SSH2: variants seen among roughly 807,000 people sequenced by gnomAD.
SSH2 encodes the protein protein phosphatase Slingshot homolog 2.
SSH2 carries 37 observed loss-of-function variants against 135.2 expected under a neutral mutation model. The ratio of observed to expected loss-of-function variants is 0.27; its 90% CI spans 0.21 to 0.36. The LOEUF is 0.36. Among genes scored for constraint, SSH2 ranks in the 10% least tolerant of loss-of-function variants. The pLI is 1.00. For missense variants in SSH2, 1,408 were observed against 1,765.3 expected, an observed-to-expected ratio of 0.80 and a Z score of 3.63; for synonymous variants, 628 against 646.2, an observed-to-expected ratio of 0.97 and a Z score of 0.43.
At chr17:29,743,468 A>T (rs1176907093) in intron 3 of SSH2, among the ~76,000 whole-genome samples, 1 of 152,126 alleles carries the variant, frequency 6.6e-6, no homozygotes, top group Admixed American at 6.5e-5. Context: ...TTTCTGACAA[A>T]TGGGGCATAT....
chr17:29,665,831 T>G (rs1366821128), intron 11 of SSH2, among the ~76,000 whole-genome samples: 4 of 152,164 alleles, frequency 2.6e-5, no homozygotes, highest in African/African-American at 9.7e-5. Context: ...TTACAAAAGG[T>G]CACTAAATGT....
intron 2 of SSH2, among the ~76,000 whole-genome samples, chr17:29,833,590 T>C (rs938679544): frequency 1.3e-5 from 2 of 152,212 alleles, no homozygotes; most frequent in Non-Finnish European, 2.9e-5. Context: ...TCAATGTTAA[T>C]ATTGATAAGT....
At chr17:29,756,708 G>A (rs1414211145) in intron 3 of SSH2, among the ~76,000 whole-genome samples, 1 of 151,964 alleles carries the variant, frequency 6.6e-6, no homozygotes, top group African/African-American at 2.4e-5. Flanking sequence ...AGGCTGGAGT[G>A]CAGTGGTGAG....
At chr17:29,750,601 C>A (rs1328382506) in intron 3 of SSH2, among the ~76,000 whole-genome samples, 3 of 152,034 alleles carry the variant, frequency 2.0e-5, no homozygotes, top group African/African-American at 7.2e-5. Flanking sequence ...TGGCTCACTG[C>A]AGCCTCAAAC....
chr17:29,870,756 G>C (rs1207756219), intron 1 of SSH2, among the ~76,000 whole-genome samples: 2 of 152,120 alleles, frequency 1.3e-5, no homozygotes, highest in Non-Finnish European at 2.9e-5. Flanking sequence ...CACTGATTTA[G>C]CAAATTTCTA....
chr17:29,713,291 C>T (rs773068722), intron 3 of SSH2, among the ~76,000 whole-genome samples: 21 of 152,224 alleles, frequency 1.4e-4, no homozygotes, highest in African/African-American at 4.6e-4. Flanking sequence ...GCCGAGATCG[C>T]GCCACTGCAC....
chr17:29,672,199 C>T, intron 8 of SSH2, 70 bp from the exon 9 acceptor site: 2 of 1,156,992 alleles, frequency 1.7e-6, no homozygotes, highest in Admixed American at 4.8e-5. Flanking sequence ...CTGTGTACTC[C>T]AAACTCTTCT....
chr17:29,910,599 T>C (rs2066749051), intron 1 of SSH2, among the ~76,000 whole-genome samples: 1 of 152,170 alleles, frequency 6.6e-6, no homozygotes, highest in East Asian at 1.9e-4. Context: ...AAACAGATCA[T>C]TTGTAACTGT....
intron 6 of SSH2, among the ~76,000 whole-genome samples, chr17:29,678,550 A>G (rs143795338): frequency 2.9e-3 from 448 of 152,296 alleles, no homozygotes; most frequent in Non-Finnish European, 5.3e-3. Flanking sequence ...GTAATTGTTA[A>G]TAGTTTGTGA....
chr17:29,694,875 T>C (rs1183081384), intron 5 of SSH2, among the ~76,000 whole-genome samples: 2 of 152,190 alleles, frequency 1.3e-5, no homozygotes, highest in Non-Finnish European at 2.9e-5. Flanking sequence ...ATAATCATAA[T>C]AATAATCCCC....
In SSH2 at chr17:29,671,920, A is replaced by C; in HGVS notation, c.809+15T>G. On this transcript the variant is annotated intron_variant, in intron 9 of 15. Transcript: ENST00000540801. ...AATGGAGAGAACTTCCATAATCCTT[A>C]GCAAACTGACTTACATGTCGGTGAA... 1 of 1,606,554 alleles carries C rather than the reference A, an allele frequency of 6.2e-7. No homozygotes were observed. Among genetic ancestry groups the C allele is most frequent in the Non-Finnish European group, 8.5e-7 (1 of 1,174,882 alleles).
chr17:29,696,174 T>TACAC lies in SSH2; in HGVS notation c.293-655_293-652dup, dbSNP rs199942164. ...ATTATAATGAGAGTATGTATATATATACACACACACACACACACACACACA... is the reference window on the plus strand; with the variant it reads ...ATTATAATGAGAGTATGTATATATATACACACACACACACACACACACACACACA... On this transcript the variant is annotated intron_variant, in intron 4 of 15. Transcript: ENST00000540801. Among the ~76,000 whole-genome samples the TACAC allele has an allele frequency of 1.7e-3, 232 of 137,146 alleles. 1 individual carries two copies. The highest frequency in any genetic ancestry group is 4.0e-3 in the African/African-American group (151 of 37,314). 90.0% of individuals were successfully genotyped at this position (137,146 alleles called of 152,430 possible).
intron 3 of SSH2, among the ~76,000 whole-genome samples, chr17:29,760,366 G>C (rs149589943): frequency 1.3e-5 from 2 of 152,268 alleles, no homozygotes; most frequent in African/African-American, 4.8e-5. Flanking sequence ...TGCTATCTAA[G>C]TAACCTTAAA....
chr17:29,686,818 G>T (rs2151083667), intron 5 of SSH2, among the ~76,000 whole-genome samples: 1 of 152,198 alleles, frequency 6.6e-6, no homozygotes, highest in African/African-American at 2.4e-5. Context: ...ACAGGCACAT[G>T]CCACCATGCC....
chr17:29,663,819 A>C (rs1003704335), intron 11 of SSH2, among the ~76,000 whole-genome samples: 2 of 152,204 alleles, frequency 1.3e-5, no homozygotes, highest in African/African-American at 4.8e-5. Context: ...CCTATTGTAA[A>C]CTATGGACTT....
intron 4 of SSH2, 68 bp from the exon 5 acceptor site, chr17:29,695,591 A>G (rs1389718887): frequency 2.2e-6 from 3 of 1,377,230 alleles, no homozygotes; most frequent in East Asian, 2.4e-5. Context: ...GATTCCTTCT[A>G]CTTTAGTGAC....
intron 1 of SSH2, among the ~76,000 whole-genome samples, chr17:29,900,829 C>G (rs1321966666): frequency 6.6e-6 from 1 of 152,148 alleles, no homozygotes; most frequent in Non-Finnish European, 1.5e-5. Flanking sequence ...CACATGCACA[C>G]GTATGTTCAT....
At chr17:29,690,886 G>A (rs1239762830) in intron 5 of SSH2, among the ~76,000 whole-genome samples, 1 of 151,512 alleles carries the variant, frequency 6.6e-6, no homozygotes, top group Non-Finnish European at 1.5e-5. Flanking sequence ...CATTTTCGTA[G>A]AAACAAAACA....
intron 12 of SSH2, among the ~76,000 whole-genome samples, chr17:29,651,448 C>T (rs3097118): frequency 0.55 from 83,427 of 151,834 alleles, 23,356 homozygotes; most frequent in East Asian, 0.68. Flanking sequence ...AAGATTCTTC[C>T]ACACTAAGAT....
Sources: gnomAD v4.1 joint callset for allele counts (sites outside exome capture counted in the v4.1 genomes callset) on GRCh38, gnomAD v4.1.1 for gene constraint, MANE v1.5 for transcripts, NCBI Gene and HGNC (gene_info 2026-07-23, HGNC 2026-07-21) for gene names.